The following RAP1GAP2 variants were observed in gnomAD, a reference collection of about 807,000 sequenced individuals.
The protein encoded by RAP1GAP2 is RAP1 GTPase activating protein 2, also known as rap1 GTPase-activating protein 2.
RAP1GAP2 carries 27 observed loss-of-function variants against 95.0 expected under a neutral mutation model. The observed-to-expected ratio is 0.28, with a 90% CI of 0.21 to 0.39. The LOEUF (loss-of-function observed/expected upper bound fraction) is 0.39. Among genes scored for constraint, RAP1GAP2 ranks in the 10% least tolerant of loss-of-function variants. RAP1GAP2 has a pLI of 1.00. For missense variants in RAP1GAP2, 771 were observed against 970.0 expected (o/e 0.79, Z 2.72); for synonymous variants, 373 against 380.9 (o/e 0.98, Z 0.24).
intron 12 of RAP1GAP2, among the ~76,000 whole-genome samples, chr17:2,992,731 C>T (rs772835193): frequency 9.9e-5 from 15 of 152,188 alleles, no homozygotes; most frequent in Non-Finnish European, 2.1e-4. Flanking sequence ...TCTTCCTCTG[C>T]TTCCTTCTCT....
At chr17:2,881,816 C>CT (rs1265071203) in intron 2 of RAP1GAP2, among the ~76,000 whole-genome samples, 1 of 151,694 alleles carries the variant, frequency 6.6e-6, no homozygotes, top group Non-Finnish European at 1.5e-5. Context: ...GTGTGATCTG[C>CT]TTTTTTTTAT....
intron 11 of RAP1GAP2, among the ~76,000 whole-genome samples, chr17:2,986,648 T>C (rs952336489): frequency 2.0e-5 from 3 of 152,092 alleles, no homozygotes; most frequent in African/African-American, 4.8e-5. Flanking sequence ...TGCTGGTCTC[T>C]GGGTATAAAT....
chr17:2,770,676 G>A (rs1369143285), intron 2 of RAP1GAP2, among the ~76,000 whole-genome samples: 3 of 152,214 alleles, frequency 2.0e-5, no homozygotes, highest in African/African-American at 7.2e-5. Flanking sequence ...AAACGGATAG[G>A]ATCATACTTT....
At chr17:2,962,331 A>G (rs2044370269) in intron 4 of RAP1GAP2, 3 of 319,704 alleles carry the variant, frequency 9.4e-6, no homozygotes, top group Non-Finnish European at 1.7e-5. Context: ...TCACCACCAT[A>G]GTCGATGCCA....
At chr17:3,007,943 C>G in intron 16 of RAP1GAP2, 68 bp from the exon 17 acceptor site, 1 of 1,554,472 alleles carries the variant, frequency 6.4e-7, no homozygotes, top group Non-Finnish European at 8.8e-7. Context: ...GTGTCTGGAG[C>G]TCACAAGGAG....
chr17:2,960,973 T>C (rs935538123), intron 4 of RAP1GAP2, among the ~76,000 whole-genome samples: 2 of 152,170 alleles, frequency 1.3e-5, no homozygotes, highest in Admixed American at 6.5e-5. Flanking sequence ...CCCAGCACTT[T>C]GGGAGGCTGA....
intron 22 of RAP1GAP2, among the ~76,000 whole-genome samples, chr17:3,030,177 T>TACACACACACACACACACACAC (rs61671474): frequency 6.4e-4 from 93 of 145,234 alleles, no homozygotes; most frequent in Non-Finnish European, 1.0e-3. Context: ...ATATATATTA[T>TACACACACACACACACACACAC]ACACACACAC....
chr17:2,856,304 C>T (rs1424612808), intron 2 of RAP1GAP2, among the ~76,000 whole-genome samples: 2 of 152,060 alleles, frequency 1.3e-5, no homozygotes, highest in African/African-American at 2.4e-5. Context: ...GCACAGAGAG[C>T]GAGAAGTTCT....
At chr17:2,914,941 G>A (rs542829724) in intron 3 of RAP1GAP2, among the ~76,000 whole-genome samples, 4 of 151,672 alleles carry the variant, frequency 2.6e-5, no homozygotes, top group African/African-American at 7.3e-5. Flanking sequence ...ACAGGTGCCC[G>A]CCACCACGCC....
At chr17:2,793,533 C>T (rs189163795), upstream of RAP1GAP2, among the ~76,000 whole-genome samples, 1 of 152,354 alleles carries the variant, frequency 6.6e-6, no homozygotes, top group African/African-American at 2.4e-5. Flanking sequence ...GTACCTGGCT[C>T]ACCCTGGTGC....
In RAP1GAP2 at chr17:2,837,359, T is replaced by C. The variant is rs137895452; in HGVS notation, c.80+36809T>C. On this transcript the variant is annotated intron_variant, in intron 2 of 24. Coordinates refer to ENST00000254695, the MANE Select transcript of RAP1GAP2 (RefSeq NM_015085.5). Reference sequence around the variant, plus strand: ...GTAGGTTGAGAAAGGGGCAGCCCCGTATAAACCACAAAAACCAACAGTGGT... The same window carrying C: ...GTAGGTTGAGAAAGGGGCAGCCCCGCATAAACCACAAAAACCAACAGTGGT... Among the ~76,000 whole-genome samples, 671 of 151,722 alleles carry C rather than the reference T, an allele frequency of 4.4e-3. 23 individuals are homozygous for C. Among genetic ancestry groups the C allele is most frequent in the Admixed American group, 0.033 (503 of 15,216 alleles).
chr17:2,943,465 G>A (rs1377716316), intron 3 of RAP1GAP2, among the ~76,000 whole-genome samples: 1 of 152,038 alleles, frequency 6.6e-6, no homozygotes, highest in Non-Finnish European at 1.5e-5. Flanking sequence ...CTGAGGTCAG[G>A]AGTTCAAGAC....
chr17:2,775,853 G>A (rs2068486991), upstream of RAP1GAP2, among the ~76,000 whole-genome samples: 1 of 152,154 alleles, frequency 6.6e-6, no homozygotes, highest in Non-Finnish European at 1.5e-5. Context: ...TTGGTTTGGC[G>A]GAAGCTGGGG....
intron 3 of RAP1GAP2, among the ~76,000 whole-genome samples, chr17:2,943,017 C>T (rs2043561529): frequency 6.6e-6 from 1 of 152,024 alleles, no homozygotes; most frequent in Non-Finnish European, 1.5e-5. Context: ...GATCTGCCCG[C>T]CTTGGCCACC....
rs778728384 is a variant in RAP1GAP2, at chr17:2,902,400, A to G, written c.81-2884A>G. ...CCTGGCTAATTTTTGTATTTTTAGTAGAGACGGGGTTTCGCCACGTTGAAC... is the reference window on the plus strand; with the variant it reads ...CCTGGCTAATTTTTGTATTTTTAGTGGAGACGGGGTTTCGCCACGTTGAAC... On this transcript the variant is annotated intron_variant, in intron 2 of 24. Transcript: ENST00000254695. This position sits in a 1 kb window ranked among gnomAD's most constrained non-coding sequence, Gnocchi z 4.1. Among the ~76,000 whole-genome samples the G allele has an allele frequency of 6.6e-6, 1 of 152,098 alleles. No homozygotes were observed.
At chr17:2,876,885 T>TC (rs1241497151) in intron 2 of RAP1GAP2, among the ~76,000 whole-genome samples, 152 of 136,196 alleles carry the variant, frequency 1.1e-3, no homozygotes, top group Middle Eastern at 0.011. Context: ...TGGTTTACGT[T>TC]CTTTTTTTTT....
chr17:2,963,028 C>T lies in RAP1GAP2; in HGVS notation c.246+314C>T, dbSNP rs576539319. 6.3e-5 allele frequency: 33 copies of T among 521,972 alleles called. No homozygotes were observed. Among genetic ancestry groups the T allele is most frequent in the African/African-American group, 1.5e-4 (8 of 52,008 alleles). 32.3% of individuals were successfully genotyped at this position (521,972 alleles called of 1,614,324 possible). A position where few individuals can be genotyped will look rare whatever the true frequency, so the allele number is the denominator to read the frequency against. On this transcript the variant is annotated intron_variant, in intron 5 of 24. Coordinates refer to ENST00000254695, the MANE Select transcript of RAP1GAP2 (RefSeq NM_015085.5). This position sits in a 1 kb window ranked among gnomAD's most constrained non-coding sequence, Gnocchi z 4.8. ...TGTAAGGGTGTCAGGCTCTGTGCCC[C>T]GGGTTCCAGTGGGCAGTCAGCTCTC...
At chr17:2,854,016 G>A (rs1030992380) in intron 2 of RAP1GAP2, 50 of 984,892 alleles carry the variant, frequency 5.1e-5, no homozygotes, top group Non-Finnish European at 5.1e-5. Context: ...CCGCGGGGAG[G>A]AGGCATTGCC....
rs1465047275 is a variant in RAP1GAP2, at chr17:3,005,072, T to C, written c.1201-297T>C. Among the ~76,000 whole-genome samples the C allele has an allele frequency of 6.6e-6, 1 of 152,080 alleles. No homozygotes were observed. Among genetic ancestry groups the C allele is most frequent in the Admixed American group, 6.6e-5 (1 of 15,264 alleles). ...TCGAATGAGGTCACGAGATGCCATC[T>C]CCCGGGCACTTGTATGGCATTAAAA... On this transcript the variant is annotated intron_variant, in intron 14 of 24. Coordinates refer to ENST00000254695, the MANE Select transcript of RAP1GAP2 (RefSeq NM_015085.5). The surrounding 1 kb of genome is among the most constrained non-coding windows in gnomAD (Gnocchi z 5.2).
Sources: allele counts gnomAD v4.1 joint callset (sites outside exome capture counted in the v4.1 genomes callset), GRCh38; gene constraint gnomAD v4.1.1; non-coding constraint Gnocchi (gnomAD v3.1); transcripts MANE v1.5; gene names NCBI Gene and HGNC (gene_info 2026-07-23, HGNC 2026-07-21).